The following STPG1 variants were observed in gnomAD, a reference collection of about 807,000 sequenced individuals.
The protein encoded by STPG1 is sperm tail PG-rich repeat containing 1, also known as O(6)-methylguanine-induced apoptosis 2.
In STPG1, 33 loss-of-function variants were observed where a neutral mutation model predicts 40.1. The ratio of observed to expected loss-of-function variants is 0.82; its 90% confidence interval spans 0.62 to 1.10. The LOEUF is 1.10. Among genes scored for constraint, STPG1 ranks in the 50% least tolerant of loss-of-function variants. STPG1 has a pLI of 0.00. For missense variants in STPG1, 396 were observed against 415.1 expected, an observed-to-expected ratio of 0.95 and a Z score of 0.40; for synonymous variants, 150 against 155.0, an observed-to-expected ratio of 0.97 and a Z score of 0.24.
At chr1:24,385,234 G>C (rs534713158) in intron 3 of STPG1, among the ~76,000 whole-genome samples, 4 of 152,354 alleles carry the variant, frequency 2.6e-5, no homozygotes, top group Admixed American at 2.6e-4. Flanking sequence ...TCAAAGTGCT[G>C]TTAACGGGTT....
chr1:24,379,528 G>A, intron 5 of STPG1, 125 bp downstream of exon 5: 1 of 1,102,648 alleles, frequency 9.1e-7, no homozygotes, highest in Non-Finnish European at 1.3e-6. Context: ...CCATTGGGTA[G>A]TCAACAAATG....
intron 8 of STPG1, among the ~76,000 whole-genome samples, chr1:24,360,567 A>G (rs1392781362): frequency 6.6e-6 from 1 of 152,250 alleles, no homozygotes. Flanking sequence ...TCTTCAGCCA[A>G]CTGCAGAGTC....
At chr1:24,405,549 A>G (rs996554926) in intron 1 of STPG1, among the ~76,000 whole-genome samples, 3 of 152,146 alleles carry the variant, frequency 2.0e-5, no homozygotes, top group Non-Finnish European at 2.9e-5. Flanking sequence ...ATTGGTTGAT[A>G]GTCTGTTCAA....
chr1:24,377,922 T>C (rs1167888916), intron 5 of STPG1, among the ~76,000 whole-genome samples: 3 of 152,236 alleles, frequency 2.0e-5, no homozygotes, highest in Non-Finnish European at 4.4e-5. Flanking sequence ...GGGAACAAGA[T>C]AATCCACTTT....
At chr1:24,398,523 C>T in intron 2 of STPG1, among the ~76,000 whole-genome samples, 1 of 152,086 alleles carries the variant, frequency 6.6e-6, no homozygotes, top group Non-Finnish European at 1.5e-5. Context: ...ATTAAAAATA[C>T]ATAAAATATA....
At chr1:24,410,923 T>G (rs951256787) in intron 1 of STPG1, 2 of 152,196 alleles carry the variant, frequency 1.3e-5, no homozygotes, top group African/African-American at 4.8e-5. Context: ...CAGTCCTGGG[T>G]TCAAGGTTAT....
intron 1 of STPG1, among the ~76,000 whole-genome samples, chr1:24,409,313 T>C (rs1189809552): frequency 1.3e-5 from 2 of 152,206 alleles, no homozygotes; most frequent in African/African-American, 2.4e-5. Flanking sequence ...TAAGCTATGT[T>C]CGTGCCACTG....
In STPG1 at chr1:24,358,055, AAGTG is replaced by A. The variant is rs1640838249; in HGVS notation, c.*484_*487del. 2.7e-6 allele frequency: 1 copy of A among 372,498 alleles called. No individual in the cohort carries two copies. Among genetic ancestry groups the A allele is most frequent in the African/African-American group, 2.1e-5 (1 of 47,542 alleles). 23.1% of individuals were successfully genotyped at this position (372,498 alleles called of 1,614,324 possible). A position where few individuals can be genotyped will look rare whatever the true frequency, so the allele number is the denominator to read the frequency against. On this transcript the variant is annotated 3_prime_UTR_variant, in exon 9 of 9. Coordinates refer to ENST00000337248, the MANE Select transcript of STPG1 (RefSeq NM_001199013.2). The stretch of plus-strand genomic sequence containing the variant: ...AGCTTTCGCCCAGTAGACATACCGT[AAGTG>A]AGTGAGGTCAGAAAGGGACAAATGA...
rs1193329816 is a variant in STPG1 at position 24,391,688 on chromosome 1, C to A, written c.71-9G>T. 2 of 1,505,280 alleles carry A rather than the reference C, an allele frequency of 1.3e-6. No homozygotes were observed. The highest frequency in any genetic ancestry group is 2.1e-5 in the Admixed American group (1 of 48,502). 93.2% of individuals were successfully genotyped at this position (1,505,280 alleles called of 1,614,324 possible). On this transcript the variant is annotated splice_polypyrimidine_tract_variant and intron_variant, in intron 2 of 8. Transcript: ENST00000337248. Reference sequence around the variant, plus strand: ...ATATGCAGCAGTAAAACCTAAACAACAAAAATGGAGTAAAATCAAAATGAA... The same window carrying A: ...ATATGCAGCAGTAAAACCTAAACAAAAAAAATGGAGTAAAATCAAAATGAA...
intron 2 of STPG1, 100 bp from the exon 3 acceptor site, chr1:24,391,779 T>C (rs747680990): frequency 1.9e-4 from 221 of 1,168,340 alleles, no homozygotes; most frequent in Non-Finnish European, 2.3e-4. Context: ...TTTTAAATGG[T>C]AGAGAAGAGA....
intron 2 of STPG1, among the ~76,000 whole-genome samples, chr1:24,397,961 A>C (rs1298353286): frequency 6.6e-6 from 1 of 152,160 alleles, no homozygotes; most frequent in African/African-American, 2.4e-5. Context: ...GTAAATGCCT[A>C]GGAGTGGAAT....
chr1:24,398,886 T>C (rs960769047), intron 2 of STPG1, among the ~76,000 whole-genome samples: 1 of 152,116 alleles, frequency 6.6e-6, no homozygotes, highest in Admixed American at 6.5e-5. Context: ...TAATATTTAT[T>C]GTAAAGATGT....
intron 4 of STPG1, among the ~76,000 whole-genome samples, chr1:24,382,191 C>T (rs1642314986): frequency 2.0e-5 from 3 of 152,164 alleles, no homozygotes; most frequent in East Asian, 1.9e-4. Context: ...GGAAAGTTAC[C>T]GCACGCAAAG....
At chr1:24,376,745 C>T (rs1194859049) in intron 5 of STPG1, among the ~76,000 whole-genome samples, 1 of 152,166 alleles carries the variant, frequency 6.6e-6, no homozygotes, top group African/African-American at 2.4e-5. Context: ...GGGGCATCCG[C>T]ACAGACAGTC....
chr1:24,390,409 A>T (rs1343438423), intron 3 of STPG1, among the ~76,000 whole-genome samples: 1 of 152,100 alleles, frequency 6.6e-6, no homozygotes, highest in Non-Finnish European at 1.5e-5. Flanking sequence ...ATATGATAAC[A>T]CATTGTTGTT....
intron 4 of STPG1, among the ~76,000 whole-genome samples, chr1:24,382,867 G>A (rs1642347730): frequency 6.6e-6 from 1 of 150,674 alleles, no homozygotes; most frequent in Non-Finnish European, 1.5e-5. Flanking sequence ...GGGACAAGAT[G>A]GCATATGTTT....
At chr1:24,370,773 G>A (rs1641700874) in intron 6 of STPG1, among the ~76,000 whole-genome samples, 1 of 149,274 alleles carries the variant, frequency 6.7e-6, no homozygotes, top group Non-Finnish European at 1.5e-5. Flanking sequence ...TTATAGGCGT[G>A]AGCCACTGTG....
intron 7 of STPG1, chr1:24,364,611 C>A: frequency 1.7e-6 from 1 of 581,026 alleles, no homozygotes; most frequent in Non-Finnish European, 2.5e-6. Flanking sequence ...AGAGGGCTGG[C>A]AGCATGTAAA....
At chr1:24,371,443 T>C (rs1641734073) in intron 6 of STPG1, among the ~76,000 whole-genome samples, 1 of 151,814 alleles carries the variant, frequency 6.6e-6, no homozygotes, top group Admixed American at 6.6e-5. Flanking sequence ...TTTAAAAAAT[T>C]AGCCAGGTGT....
Sources: gnomAD v4.1 joint callset for allele counts (sites outside exome capture counted in the v4.1 genomes callset) on GRCh38, gnomAD v4.1.1 for gene constraint, MANE v1.5 for transcripts, NCBI Gene and HGNC (gene_info 2026-07-23, HGNC 2026-07-21) for gene names.